Variants in CHCHD3 observed in about 807,000 individuals in gnomAD.
CHCHD3 encodes the protein MICOS complex subunit MIC19.
A neutral mutation model predicts 38.2 loss-of-function variants in CHCHD3; 20 were observed. The observed-to-expected ratio is 0.52, with a 90% CI of 0.37 to 0.76. The LOEUF is 0.76. CHCHD3 is among the 30% of genes least tolerant of loss of function. The pLI, the probability that CHCHD3 is intolerant of heterozygous loss-of-function variation, is 0.00. For synonymous variants in CHCHD3, 82 were observed against 100.0 expected, an observed-to-expected ratio of 0.82 and a Z score of 1.07; for missense variants, 245 against 279.2, an observed-to-expected ratio of 0.88 and a Z score of 0.87.
At chr7:132,949,176 C>A (rs1446389248) in intron 4 of CHCHD3, among the ~76,000 whole-genome samples, 1 of 152,008 alleles carries the variant, frequency 6.6e-6, no homozygotes, top group Non-Finnish European at 1.5e-5. Context: ...TATAACAGGG[C>A]CTCTGAATTT....
intron 3 of CHCHD3, among the ~76,000 whole-genome samples, chr7:133,010,338 G>C (rs913592019): frequency 1.3e-5 from 2 of 152,108 alleles, no homozygotes; most frequent in African/African-American, 4.8e-5. Context: ...CTTCATCAGA[G>C]GGCTCTCGGG....
intron 4 of CHCHD3, among the ~76,000 whole-genome samples, chr7:132,901,524 C>T (rs186219296): frequency 6.6e-6 from 1 of 152,324 alleles, no homozygotes; most frequent in East Asian, 1.9e-4. Context: ...GTCCTCAGGC[C>T]TGGCTGGTTT....
intron 4 of CHCHD3, among the ~76,000 whole-genome samples, chr7:132,932,491 G>A (rs1810537123): frequency 6.6e-6 from 1 of 152,180 alleles, no homozygotes; most frequent in South Asian, 2.1e-4. Flanking sequence ...CTTTACCCTG[G>A]AAGGCACTGC....
intron 4 of CHCHD3, among the ~76,000 whole-genome samples, chr7:132,959,864 C>T (rs986612176): frequency 1.3e-5 from 2 of 151,980 alleles, no homozygotes; most frequent in Non-Finnish European, 2.9e-5. Context: ...AGACAAAAAG[C>T]TAAATACCCC....
chr7:132,866,579 G>T (rs1253849968), intron 5 of CHCHD3, among the ~76,000 whole-genome samples: 1 of 152,174 alleles, frequency 6.6e-6, no homozygotes, highest in African/African-American at 2.4e-5. Flanking sequence ...AATCATGGAT[G>T]CATTTTCACT....
intron 4 of CHCHD3, among the ~76,000 whole-genome samples, chr7:132,938,435 CT>C (rs1348258855): frequency 6.6e-6 from 1 of 152,034 alleles, no homozygotes; most frequent in Non-Finnish European, 1.5e-5. Context: ...GGGTAAAAAC[CT>C]TAAGTAACTC....
intron 7 of CHCHD3, among the ~76,000 whole-genome samples, chr7:132,792,815 C>T (rs955139008): frequency 6.6e-5 from 10 of 152,146 alleles, no homozygotes; most frequent in African/African-American, 2.4e-4. Flanking sequence ...CCTATAAACC[C>T]CACCCTCCCA....
chr7:132,822,727 G>A (rs1400778516), intron 6 of CHCHD3, among the ~76,000 whole-genome samples: 4 of 152,066 alleles, frequency 2.6e-5, no homozygotes, highest in Admixed American at 6.6e-5. Context: ...TCCATGTTAC[G>A]GAAATAAAAG....
intron 3 of CHCHD3, among the ~76,000 whole-genome samples, chr7:133,010,039 C>G (rs1006176310): frequency 6.6e-6 from 1 of 152,112 alleles, no homozygotes; most frequent in African/African-American, 2.4e-5. Flanking sequence ...TAAGCCTACT[C>G]AACAGGAAGA....
intron 4 of CHCHD3, among the ~76,000 whole-genome samples, chr7:132,925,203 C>T (rs938881656): frequency 6.6e-6 from 1 of 151,666 alleles, no homozygotes; most frequent in African/African-American, 2.4e-5. Context: ...AGGATGCTGT[C>T]CCCATTAGAA....
At chr7:132,983,700 T>C (rs1811981192) in intron 3 of CHCHD3, among the ~76,000 whole-genome samples, 2 of 152,090 alleles carry the variant, frequency 1.3e-5, no homozygotes, top group Non-Finnish European at 1.5e-5. Context: ...CTAGTGATGC[T>C]AGAAGTGCTC....
At chr7:133,048,960 C>T (rs1324390949) in intron 2 of CHCHD3, among the ~76,000 whole-genome samples, 1 of 152,196 alleles carries the variant, frequency 6.6e-6, no homozygotes, top group African/African-American at 2.4e-5. Flanking sequence ...AAGTACCAGG[C>T]ATCTGATATC....
At chr7:133,033,208 T>C (rs975066485) in intron 2 of CHCHD3, among the ~76,000 whole-genome samples, 3 of 152,156 alleles carry the variant, frequency 2.0e-5, no homozygotes, top group Non-Finnish European at 4.4e-5. Flanking sequence ...TCTTGGAAAA[T>C]TCAGTATACT....
At chr7:132,909,454 G>A (rs1374087918) in intron 4 of CHCHD3, among the ~76,000 whole-genome samples, 5 of 152,152 alleles carry the variant, frequency 3.3e-5, no homozygotes, top group South Asian at 2.1e-4. Context: ...TCGTGCCACT[G>A]CACTCCCATC....
intron 5 of CHCHD3, among the ~76,000 whole-genome samples, chr7:132,862,485 A>G (rs1808521071): frequency 6.6e-6 from 1 of 152,242 alleles, no homozygotes; most frequent in Non-Finnish European, 1.5e-5. Context: ...TCACTAAAAA[A>G]TGCTAACAAT....
chr7:133,062,310 T>C (rs977786009), intron 2 of CHCHD3, among the ~76,000 whole-genome samples: 6 of 152,178 alleles, frequency 3.9e-5, no homozygotes, highest in Admixed American at 3.9e-4. Context: ...GGCAAAAATA[T>C]TGTTAATATT....
chr7:133,035,280 G>A lies in CHCHD3; in HGVS notation c.170-10653C>T. 6.2e-7 allele frequency: 1 copy of A among 1,612,620 alleles called. No homozygotes were observed. Among genetic ancestry groups the A allele is most frequent in the Admixed American group, 1.7e-5 (1 of 60,008 alleles). On this transcript the variant is annotated intron_variant, in intron 2 of 7. Coordinates refer to ENST00000262570, the MANE Select transcript of CHCHD3 (RefSeq NM_017812.4). The surrounding 1 kb of genome is among the most constrained non-coding windows in gnomAD (Gnocchi z 4.7). ...TGCAAACTTTTTAGCATCAAACTGGGCCATCTTCTCACACAGTTTCAGTTC... is the reference window on the plus strand; with the variant it reads ...TGCAAACTTTTTAGCATCAAACTGGACCATCTTCTCACACAGTTTCAGTTC...
chr7:132,867,382 T>G (rs1365225609), intron 5 of CHCHD3, among the ~76,000 whole-genome samples: 1 of 152,214 alleles, frequency 6.6e-6, no homozygotes, highest in Non-Finnish European at 1.5e-5. Flanking sequence ...AAGGTATTAC[T>G]TTTTAAAGCT....
At chr7:133,020,923 C>T (rs1297037056) in intron 3 of CHCHD3, among the ~76,000 whole-genome samples, 1 of 149,064 alleles carries the variant, frequency 6.7e-6, no homozygotes, top group Non-Finnish European at 1.5e-5. Context: ...ACATTTTGAG[C>T]CAAATAATTC....
Sources: allele counts gnomAD v4.1 joint callset (sites outside exome capture counted in the v4.1 genomes callset), GRCh38; gene constraint gnomAD v4.1.1; non-coding constraint Gnocchi (gnomAD v3.1); transcripts MANE v1.5; gene names NCBI Gene and HGNC (gene_info 2026-07-23, HGNC 2026-07-21).